Variants in RALGAPA2 observed in about 807,000 individuals in gnomAD.
RALGAPA2 encodes Ral GTPase activating protein catalytic subunit alpha 2, also known as ral GTPase-activating protein subunit alpha-2.
Under a neutral mutation model 230.4 loss-of-function variants are expected in RALGAPA2, and 139 were observed. The ratio of observed to expected loss-of-function variants is 0.60; its 90% CI spans 0.53 to 0.69. The LOEUF (loss-of-function observed/expected upper bound fraction) is 0.69. Among genes scored for constraint, RALGAPA2 ranks in the 30% least tolerant of loss-of-function variants. The pLI, the probability that RALGAPA2 is intolerant of heterozygous loss-of-function variation, is 0.00. For missense variants in RALGAPA2, 2,163 were observed against 2,276.0 expected (o/e 0.95, Z 1.01); for synonymous variants, 847 against 837.8 (o/e 1.01, Z -0.19).
intron 38 of RALGAPA2, among the ~76,000 whole-genome samples, chr20:20,407,442 G>C (rs2059969715): frequency 6.6e-6 from 1 of 152,242 alleles, no homozygotes; most frequent in Admixed American, 6.5e-5. Context: ...AAACGGCCAA[G>C]GAAGACTGCC....
intron 35 of RALGAPA2, among the ~76,000 whole-genome samples, chr20:20,499,702 C>T (rs185249780): frequency 2.6e-5 from 4 of 152,290 alleles, no homozygotes; most frequent in African/African-American, 9.6e-5. Context: ...GTCATTATAG[C>T]ATGCTGGGGC....
intron 1 of RALGAPA2, among the ~76,000 whole-genome samples, chr20:20,687,986 C>T (rs970422623): frequency 3.9e-5 from 6 of 152,112 alleles, no homozygotes; most frequent in African/African-American, 1.4e-4. Flanking sequence ...ACCTCCTATG[C>T]GTGCAGTAAT....
intron 16 of RALGAPA2, among the ~76,000 whole-genome samples, chr20:20,597,371 T>G (rs1438494625): frequency 2.0e-5 from 3 of 152,192 alleles, no homozygotes; most frequent in South Asian, 2.1e-4. Context: ...TCTTACTGTT[T>G]TTCACCTTTA....
chr20:20,680,605 A>C (rs766263830), intron 2 of RALGAPA2, 86 bp downstream of exon 2: 127 of 1,417,766 alleles, frequency 9.0e-5, no homozygotes, highest in Non-Finnish European at 1.1e-4. Flanking sequence ...AAGAAAGCTT[A>C]AAAATGTATA....
rs150202053 is a variant in RALGAPA2 at position 20,593,115 on chromosome 20, C to T, written c.2204-1801G>A. On this transcript the variant is annotated intron_variant, in intron 16 of 39. Transcript: ENST00000202677. ...GTCTTTTCACAGAGATGGGGTTTTG[C>T]CATGTTGCCTAGGCTGGTCTCAAGT... Among the ~76,000 whole-genome samples, 485 of 152,256 alleles carry T rather than the reference C, an allele frequency of 3.2e-3. 13 individuals are homozygous for T. The highest frequency in any genetic ancestry group is 0.026 in the Admixed American group (398 of 15,290).
intron 37 of RALGAPA2, among the ~76,000 whole-genome samples, chr20:20,443,004 A>G (rs967764802): frequency 1.3e-5 from 2 of 152,222 alleles, no homozygotes; most frequent in Non-Finnish European, 2.9e-5. Flanking sequence ...TTAAAGCTCT[A>G]TCAATGGACC....
chr20:20,393,648 C>T lies in RALGAPA2; in HGVS notation c.*36-395G>A, dbSNP rs1289493656. On this transcript the variant is annotated intron_variant, in intron 39 of 39. Coordinates refer to ENST00000202677, the MANE Select transcript of RALGAPA2 (RefSeq NM_020343.4). Reference sequence around the variant, plus strand: ...CAGAGGCCGCTCTGCAGATCCCTGGCGGTGTTCCTGGAATCTCCACGTGTT... The same window carrying T: ...CAGAGGCCGCTCTGCAGATCCCTGGTGGTGTTCCTGGAATCTCCACGTGTT... Among the ~76,000 whole-genome samples the T allele has an allele frequency of 3.9e-5, 6 of 152,162 alleles. No individual in the cohort carries two copies. The South Asian group carries it at 6.2e-4, about 16-fold the overall frequency.
chr20:20,481,206 C>T (rs995843662), intron 36 of RALGAPA2, among the ~76,000 whole-genome samples: 9 of 152,194 alleles, frequency 5.9e-5, no homozygotes, highest in Admixed American at 5.2e-4. Flanking sequence ...CAAGGAAGTG[C>T]CCAGTTGTTG....
intron 33 of RALGAPA2, among the ~76,000 whole-genome samples, chr20:20,509,336 A>T (rs1247784507): frequency 2.0e-5 from 3 of 152,206 alleles, no homozygotes; most frequent in Non-Finnish European, 4.4e-5. Context: ...TTACTGTCTC[A>T]CCTGATAAGT....
At chr20:20,542,509 C>G (rs1232664488) in intron 24 of RALGAPA2, among the ~76,000 whole-genome samples, 1 of 152,082 alleles carries the variant, frequency 6.6e-6, no homozygotes, top group East Asian at 1.9e-4. Context: ...ACTTCAAACT[C>G]TACTACAAGG....
chr20:20,458,792 A>ATATATATAGACC (rs1569418039), intron 37 of RALGAPA2, among the ~76,000 whole-genome samples: 20 of 15,728 alleles, frequency 1.3e-3, no homozygotes, highest in African/African-American at 4.1e-3. Context: ...ATATAGACCT[A>ATATATATAGACC]TATATATATA....
chr20:20,436,667 A>C (rs1391939364), intron 37 of RALGAPA2, among the ~76,000 whole-genome samples: 6 of 152,220 alleles, frequency 3.9e-5, no homozygotes, highest in African/African-American at 1.4e-4. Context: ...CAATGTGTTG[A>C]CACTGTCGTC....
intron 20 of RALGAPA2, among the ~76,000 whole-genome samples, chr20:20,576,461 T>C (rs1051324630): frequency 2.0e-5 from 3 of 152,160 alleles, no homozygotes; most frequent in South Asian, 2.1e-4. Context: ...TTGGAATCTA[T>C]TGGATATCTT....
At chr20:20,505,270 C>A in intron 34 of RALGAPA2, 141 bp downstream of exon 34, 1 of 1,235,428 alleles carries the variant, frequency 8.1e-7, no homozygotes, top group Non-Finnish European at 1.0e-6. Flanking sequence ...GATGTCAAAT[C>A]CAATAAATTC....
At chr20:20,656,118 C>G (rs909020035) in intron 3 of RALGAPA2, among the ~76,000 whole-genome samples, 4 of 152,160 alleles carry the variant, frequency 2.6e-5, no homozygotes, top group African/African-American at 9.7e-5. Context: ...TACATGAGAG[C>G]TCTCTTTTGA....
intron 21 of RALGAPA2, among the ~76,000 whole-genome samples, chr20:20,572,474 TCTA>T (rs2064678312): frequency 6.6e-6 from 1 of 151,552 alleles, no homozygotes; most frequent in African/African-American, 2.4e-5. Context: ...TTGTATGTAC[TCTA>T]AGATTCTACT....
In RALGAPA2 at chr20:20,635,270, A is replaced by C. The variant is rs2066818988; in HGVS notation, c.1005+148T>G. On this transcript the variant is annotated intron_variant, in intron 9 of 39. Coordinates refer to ENST00000202677, the MANE Select transcript of RALGAPA2 (RefSeq NM_020343.4). ...TCACAACTCCCTCTGAAACCTTGGCATTACAGACAGGGTAGGCCAATAAAA... is the reference window on the plus strand; with the variant it reads ...TCACAACTCCCTCTGAAACCTTGGCCTTACAGACAGGGTAGGCCAATAAAA... 10 of 796,732 alleles carry C rather than the reference A, an allele frequency of 1.3e-5. No homozygotes were observed. The South Asian group carries it at 1.5e-4, about 12-fold the overall frequency. 49.4% of individuals were successfully genotyped at this position (796,732 alleles called of 1,614,324 possible).
intron 31 of RALGAPA2, among the ~76,000 whole-genome samples, chr20:20,514,250 C>G (rs2062805970): frequency 6.6e-6 from 1 of 152,124 alleles, no homozygotes; most frequent in East Asian, 1.9e-4. Context: ...TGCAACAGGG[C>G]CCTTTCCGCT....
At chr20:20,541,738 T>C (rs2063648198) in intron 24 of RALGAPA2, among the ~76,000 whole-genome samples, 1 of 152,180 alleles carries the variant, frequency 6.6e-6, no homozygotes, top group Non-Finnish European at 1.5e-5. Flanking sequence ...AAACTGAGGA[T>C]AAAGTGGGGC....
Sources: allele counts gnomAD v4.1 joint callset (sites outside exome capture counted in the v4.1 genomes callset), GRCh38; gene constraint gnomAD v4.1.1; transcripts MANE v1.5; gene names NCBI Gene and HGNC (gene_info 2026-07-23, HGNC 2026-07-21).